The following KIF26B variants were observed in gnomAD, a reference collection of about 807,000 sequenced individuals.
KIF26B encodes kinesin-like protein KIF26B.
A neutral mutation model predicts 151.2 loss-of-function variants in KIF26B; 63 were observed. That is an observed-to-expected ratio of 0.42 (90% CI 0.34 to 0.51). The LOEUF (loss-of-function observed/expected upper bound fraction) is 0.51. KIF26B is among the 20% of genes least tolerant of loss of function. KIF26B has a pLI of 0.07. For missense variants in KIF26B, 2,813 were observed against 2,913.6 expected, an observed-to-expected ratio of 0.97 and a Z score of 0.79; for synonymous variants, 1,357 against 1,262.1, an observed-to-expected ratio of 1.08 and a Z score of -1.59.
intron 5 of KIF26B, among the ~76,000 whole-genome samples, chr1:245,573,293 G>A (rs957102855): frequency 2.6e-5 from 4 of 152,326 alleles, no homozygotes; most frequent in African/African-American, 9.6e-5. Flanking sequence ...GGAGGCCAAC[G>A]CGGGTGGATC....
chr1:245,689,464 G>C (rs2044594016), intron 12 of KIF26B, among the ~76,000 whole-genome samples: 1 of 152,234 alleles, frequency 6.6e-6, no homozygotes, highest in Non-Finnish European at 1.5e-5. Context: ...TTTGTGGACA[G>C]TCATGTTTGC....
chr1:245,376,572 A>C (rs536597409), intron 3 of KIF26B, among the ~76,000 whole-genome samples: 1 of 152,250 alleles, frequency 6.6e-6, no homozygotes, highest in East Asian at 1.9e-4. Context: ...TAATAGGTAC[A>C]GGGAAGAGAA....
intron 2 of KIF26B, among the ~76,000 whole-genome samples, chr1:245,233,068 C>T (rs771594814): frequency 6.6e-6 from 1 of 152,192 alleles, no homozygotes; most frequent in Non-Finnish European, 1.5e-5. Flanking sequence ...ATCTTCATCT[C>T]ACTTGTGGAA....
chr1:245,534,786 C>CTTTTTT (rs58406934), intron 4 of KIF26B, among the ~76,000 whole-genome samples: 1 of 143,642 alleles, frequency 7.0e-6, no homozygotes, highest in Non-Finnish European at 1.5e-5. Flanking sequence ...TTTACCTTTT[C>CTTTTTT]TTTTTTTTTT....
intron 8 of KIF26B, among the ~76,000 whole-genome samples, chr1:245,609,921 T>C (rs1771523): frequency 0.48 from 73,011 of 152,036 alleles, 18,292 homozygotes; most frequent in East Asian, 0.66. Context: ...CTTCTGGCAC[T>C]GGTTTACAGC....
rs540833536 is a variant in KIF26B at position 245,660,734 on chromosome 1, G to T, written c.2258+14454G>T. Among the ~76,000 whole-genome samples, 14 of 152,258 alleles carry T rather than the reference G, an allele frequency of 9.2e-5. No individual in the cohort carries two copies. The South Asian group carries it at 2.9e-3, about 32-fold the overall frequency. On this transcript the variant is annotated intron_variant, in intron 10 of 14. Coordinates refer to ENST00000407071, the MANE Select transcript of KIF26B (RefSeq NM_018012.4). ...TGTAAGCACCTACGTTGCTCTCTAA[G>T]TACTGCTTTGTCTGTATCCTCAAGT...
chr1:245,186,652 A>G (rs1053630397), intron 2 of KIF26B, among the ~76,000 whole-genome samples: 3 of 152,132 alleles, frequency 2.0e-5, no homozygotes, highest in Non-Finnish European at 2.9e-5. Context: ...TAAGTTACGT[A>G]TCTCTAACTT....
chr1:245,285,232 G>T (rs1052384134), intron 2 of KIF26B, among the ~76,000 whole-genome samples: 2 of 152,136 alleles, frequency 1.3e-5, no homozygotes, highest in African/African-American at 2.4e-5. Context: ...GGCAGTGGCA[G>T]AATTTATTCC....
At chr1:245,522,067 C>G (rs1169775978) in intron 4 of KIF26B, among the ~76,000 whole-genome samples, 3 of 152,230 alleles carry the variant, frequency 2.0e-5, no homozygotes, top group Non-Finnish European at 4.4e-5. Flanking sequence ...GACGGGGTTT[C>G]ACCGTGTTAG....
At position 245,693,384 on chromosome 1, in the gene KIF26B, G is replaced by A. The variant is rs112707142; in HGVS notation, c.5824+4577G>A. On this transcript the variant is annotated intron_variant, in intron 12 of 14. Transcript: ENST00000407071. ...CCCAGCCTGCTTGGTGCCCAGCACTGGGCTGGTGCAGGTTACTGTTGGATA... is the reference window on the plus strand; with the variant it reads ...CCCAGCCTGCTTGGTGCCCAGCACTAGGCTGGTGCAGGTTACTGTTGGATA... Among the ~76,000 whole-genome samples the A allele has an allele frequency of 2.8e-3, 428 of 152,336 alleles. 3 individuals carry two copies. The highest frequency in any genetic ancestry group is 1.0e-2 in the African/African-American group (414 of 41,592).
rs559705224 is a variant in KIF26B at position 245,436,191 on chromosome 1, A to G, written c.1166+16446A>G. On this transcript the variant is annotated intron_variant, in intron 4 of 14. Coordinates refer to ENST00000407071, the MANE Select transcript of KIF26B (RefSeq NM_018012.4). ...GACTCTGTCTCAAAAAAAAAAAAAA[A>G]GAGTTTTCTTCTAAATAGCTTGCTG... 5.3e-5 allele frequency among the ~76,000 whole-genome samples: 8 copies of G among 151,856 alleles called. No homozygotes were observed. In the South Asian group the frequency reaches 1.5e-3, roughly 28 times the overall value.
At position 245,687,384 on chromosome 1, in the gene KIF26B, G is replaced by T. The variant is rs147259470; in HGVS notation, c.4401G>T (p.Thr1467=). 2 of 1,588,132 alleles carry T rather than the reference G, an allele frequency of 1.3e-6. No homozygotes were observed. The highest frequency in any genetic ancestry group is 4.6e-5 in the East Asian group (2 of 43,494). Residue 1467 remains threonine (T), a synonymous_variant, in exon 12 of 15, where the codon ACG becomes ACT. Coordinates refer to ENST00000407071, the MANE Select transcript of KIF26B (RefSeq NM_018012.4). The surrounding 1 kb of genome is among the most constrained non-coding windows in gnomAD (Gnocchi z 4.9). ...GGATGATGAGGTGTGAGACTGCCAC[G>T]GGCCCCTCGAATGCTGAGACCAGAG... The part of the protein sequence containing the change: ...EEGMMRCETA[T]GPSNAETRAE...
At chr1:245,620,939 G>A (rs1405564608) in intron 9 of KIF26B, among the ~76,000 whole-genome samples, 4 of 152,066 alleles carry the variant, frequency 2.6e-5, no homozygotes, top group African/African-American at 9.7e-5. Context: ...CACTAACCAC[G>A]AGCCCTCAGC....
At chr1:245,561,830 G>A (rs2042954917) in intron 5 of KIF26B, among the ~76,000 whole-genome samples, 1 of 152,142 alleles carries the variant, frequency 6.6e-6, no homozygotes, top group South Asian at 2.1e-4. Flanking sequence ...TAGGTGTAGG[G>A]TGCCTTTGGT....
intron 2 of KIF26B, among the ~76,000 whole-genome samples, chr1:245,320,397 C>T (rs1020245227): frequency 2.2e-4 from 34 of 152,240 alleles, no homozygotes; most frequent in African/African-American, 8.2e-4. Context: ...CTCTCGTTCT[C>T]CTCAGTTTCC....
At position 245,451,585 on chromosome 1, in the gene KIF26B, C is replaced by CTTTTTTTTTTTTTTTTTTTTT. The variant is rs58192966; in HGVS notation, c.1166+31848_1166+31868dup. On this transcript the variant is annotated intron_variant, in intron 4 of 14. Coordinates refer to ENST00000407071, the MANE Select transcript of KIF26B (RefSeq NM_018012.4). ...TATAATATGTATCCAGAAGATCTATCTTTTTTTTTTTTTTTTTTTTTTTTT... is the reference window on the plus strand; with the variant it reads ...TATAATATGTATCCAGAAGATCTATCTTTTTTTTTTTTTTTTTTTTTTTTTTTTTTTTTTTTTTTTTTTTTT... 1.5e-4 allele frequency among the ~76,000 whole-genome samples: 9 copies of CTTTTTTTTTTTTTTTTTTTTT among 58,756 alleles called. 2 individuals carry two copies. The highest frequency in any genetic ancestry group is 5.7e-4 in the African/African-American group (8 of 14,092). 38.5% of individuals were successfully genotyped at this position (58,756 alleles called of 152,430 possible).
chr1:245,316,424 C>A (rs2102984940), intron 2 of KIF26B, among the ~76,000 whole-genome samples: 1 of 152,090 alleles, frequency 6.6e-6, no homozygotes. Flanking sequence ...GCGTCCGGCC[C>A]CTGGGTGCTT....
rs185279954 is a variant in KIF26B, at chr1:245,375,194, C to T, written c.999+7827C>T. On this transcript the variant is annotated intron_variant, in intron 3 of 14. Transcript: ENST00000407071. This position sits in a 1 kb window ranked among gnomAD's most constrained non-coding sequence, Gnocchi z 4.2. Reference sequence around the variant, plus strand: ...CTCCACCTCCCAGGTTCAAGCGATTCTCCTGCCTCAACCTCGGGATTACAG... The same window carrying T: ...CTCCACCTCCCAGGTTCAAGCGATTTTCCTGCCTCAACCTCGGGATTACAG... 1.9e-3 allele frequency among the ~76,000 whole-genome samples: 296 copies of T among 152,312 alleles called. 2 individuals are homozygous for T. Among genetic ancestry groups the T allele is most frequent in the African/African-American group, 7.0e-3 (289 of 41,560 alleles).
intron 9 of KIF26B, among the ~76,000 whole-genome samples, chr1:245,621,455 G>A (rs187965457): frequency 2.5e-4 from 38 of 152,260 alleles, no homozygotes; most frequent in Middle Eastern, 3.4e-3. Flanking sequence ...TGGCTCAGGC[G>A]TAGGAGACGT....
Sources: gnomAD v4.1 joint callset for allele counts (sites outside exome capture counted in the v4.1 genomes callset) on GRCh38, gnomAD v4.1.1 for gene constraint, Gnocchi (gnomAD v3.1) non-coding constraint, MANE v1.5 for transcripts, NCBI Gene and HGNC (gene_info 2026-07-23, HGNC 2026-07-21) for gene names.